Variants in FRMD4A observed in about 807,000 individuals in gnomAD.
The protein encoded by FRMD4A is FERM domain-containing protein 4A.
A neutral mutation model predicts 129.1 loss-of-function variants in FRMD4A; 29 were observed. That is an observed-to-expected ratio of 0.22 (90% CI 0.17 to 0.31). The LOEUF is 0.31. Ranked by LOEUF, FRMD4A falls within the 10% of genes least tolerant of loss-of-function variation. The probability of loss-of-function intolerance (pLI) is 1.00; values close to 1 mark genes in which losing one functional copy is unlikely to be tolerated. For synonymous variants in FRMD4A, 634 were observed against 571.6 expected (o/e 1.11, Z -1.56); for missense variants, 1,272 against 1,375.8 (o/e 0.92, Z 1.19).
chr10:13,747,708 C>T, intron 9 of FRMD4A, 28 bp downstream of exon 9: 1 of 1,259,758 alleles, frequency 7.9e-7, no homozygotes, highest in Non-Finnish European at 1.2e-6. Flanking sequence ...GAGGGACTCG[C>T]TCCTGGGGAA....
intron 2 of FRMD4A, among the ~76,000 whole-genome samples, chr10:14,284,370 T>C (rs1278790904): frequency 1.3e-5 from 2 of 152,176 alleles, no homozygotes; most frequent in East Asian, 3.9e-4. Context: ...TGCAGGAGGC[T>C]GGGCGCAGTG....
At chr10:13,752,345 A>G (rs960297421) in intron 8 of FRMD4A, among the ~76,000 whole-genome samples, 1 of 152,258 alleles carries the variant, frequency 6.6e-6, no homozygotes, top group African/African-American at 2.4e-5. Context: ...CACAGTGAAC[A>G]GCAGATTTAA....
rs115128645 is a variant in FRMD4A, at chr10:13,921,839, C to T, written c.46-62927G>A. On this transcript the variant is annotated intron_variant, in intron 2 of 24. Transcript: ENST00000357447. ...TGTTTCTTGTGGCAACATTTCCCTC[C>T]GTGTATGTTAAGAATTTAGAAATGT... Among the ~76,000 whole-genome samples, 1,030 of 152,232 alleles carry T rather than the reference C, an allele frequency of 6.8e-3. 15 individuals are homozygous for T. Among genetic ancestry groups the T allele is most frequent in the African/African-American group, 0.023 (947 of 41,542 alleles).
intron 2 of FRMD4A, among the ~76,000 whole-genome samples, chr10:14,209,035 T>C (rs1023001041): frequency 7.2e-5 from 11 of 152,118 alleles, no homozygotes; most frequent in African/African-American, 2.7e-4. Context: ...CCACCATCTG[T>C]GAATGGTTCC....
chr10:13,885,458 G>A (rs536261871), intron 2 of FRMD4A, among the ~76,000 whole-genome samples: 4 of 152,142 alleles, frequency 2.6e-5, no homozygotes, highest in South Asian at 2.1e-4. Flanking sequence ...TCCACATCAG[G>A]AGGCAGGGAC....
intron 6 of FRMD4A, among the ~76,000 whole-genome samples, chr10:13,781,316 AAAAAAAAAAAAAAGG>A (rs1270186009): frequency 2.0e-5 from 3 of 149,040 alleles, no homozygotes; most frequent in Non-Finnish European, 3.0e-5. Context: ...TAAAAAAAAA[AAAAAAAAAAAAAAGG>A]AAGGAAATTC....
intron 2 of FRMD4A, among the ~76,000 whole-genome samples, chr10:13,984,954 A>T (rs2131411899): frequency 6.6e-6 from 1 of 152,262 alleles, no homozygotes. Context: ...TTAGATACTG[A>T]TCTTTCCCAC....
intron 2 of FRMD4A, among the ~76,000 whole-genome samples, chr10:14,277,678 G>A (rs1845387420): frequency 6.6e-6 from 1 of 152,210 alleles, no homozygotes; most frequent in East Asian, 1.9e-4. Context: ...TGAACCTTGA[G>A]GCAACGCCTC....
intron 2 of FRMD4A, among the ~76,000 whole-genome samples, chr10:14,170,036 C>A (rs1841393774): frequency 6.6e-6 from 1 of 152,086 alleles, no homozygotes; most frequent in South Asian, 2.1e-4. Flanking sequence ...TCCATGGAAT[C>A]CTGGCAAAGT....
At chr10:14,217,775 G>C (rs1386773380) in intron 2 of FRMD4A, among the ~76,000 whole-genome samples, 2 of 151,848 alleles carry the variant, frequency 1.3e-5, no homozygotes, top group Non-Finnish European at 2.9e-5. Context: ...CGCAGGTGCT[G>C]TGTAGGCTGG....
intron 2 of FRMD4A, among the ~76,000 whole-genome samples, chr10:13,995,563 C>A (rs1309604176): frequency 1.3e-5 from 2 of 152,164 alleles, no homozygotes; most frequent in Non-Finnish European, 2.9e-5. Context: ...CCAGCCTGGG[C>A]AACAGAGCAA....
intron 2 of FRMD4A, among the ~76,000 whole-genome samples, chr10:14,254,097 G>C (rs976369905): frequency 3.3e-5 from 5 of 152,134 alleles, no homozygotes; most frequent in South Asian, 2.1e-4. Flanking sequence ...AAACTCTGGA[G>C]GTACAGGCCA....
At chr10:13,816,811 A>C (rs767315327) in intron 3 of FRMD4A, among the ~76,000 whole-genome samples, 1 of 152,212 alleles carries the variant, frequency 6.6e-6, no homozygotes, top group Non-Finnish European at 1.5e-5. Flanking sequence ...GGCAGCTAGT[A>C]GCCCAATCGC....
intron 2 of FRMD4A, chr10:14,326,283 G>A (rs1156861505): frequency 8.5e-5 from 13 of 152,204 alleles, no homozygotes; most frequent in Admixed American, 7.9e-4. Context: ...CTGGTTCAGA[G>A]GGGAGCTAAC....
chr10:14,225,755 T>A (rs1843413162), intron 2 of FRMD4A, among the ~76,000 whole-genome samples: 1 of 152,236 alleles, frequency 6.6e-6, no homozygotes, highest in Admixed American at 6.5e-5. Flanking sequence ...CTTCTGTAAG[T>A]GATAGAAGAA....
chr10:13,806,723 T>G (rs1334906876), intron 4 of FRMD4A, among the ~76,000 whole-genome samples: 1 of 152,208 alleles, frequency 6.6e-6, no homozygotes, highest in Non-Finnish European at 1.5e-5. Context: ...TGGGGGTAGG[T>G]CCCAGGCATT....
chr10:14,330,784 A>G lies in FRMD4A; in HGVS notation c.-269T>C, dbSNP rs940577906. On this transcript the variant is annotated 5_prime_UTR_variant, in exon 1 of 25. Transcript: ENST00000357447. Reference sequence around the variant, plus strand: ...GAACTGACCCTTCCACCTTCCCCAGATCTACTTTTCCTCTCCAAGTAGACT... The same window carrying G: ...GAACTGACCCTTCCACCTTCCCCAGGTCTACTTTTCCTCTCCAAGTAGACT... 5 of 398,604 alleles carry G rather than the reference A, an allele frequency of 1.3e-5. No homozygotes were observed. Among genetic ancestry groups the G allele is most frequent in the African/African-American group, 1.0e-4 (5 of 48,574 alleles). 24.7% of individuals were successfully genotyped at this position (398,604 alleles called of 1,614,324 possible).
At chr10:13,739,027 A>G (rs1371245768) in intron 11 of FRMD4A, among the ~76,000 whole-genome samples, 3 of 152,198 alleles carry the variant, frequency 2.0e-5, no homozygotes, top group Admixed American at 2.0e-4. Flanking sequence ...CTAGGATTTT[A>G]TAGTGAGCAT....
intron 12 of FRMD4A, among the ~76,000 whole-genome samples, chr10:13,736,312 G>A (rs2090627243): frequency 2.0e-5 from 3 of 152,060 alleles, no homozygotes; most frequent in Admixed American, 2.0e-4. Flanking sequence ...GGGAGGAAGA[G>A]GTATGGATCC....
Sources: allele counts gnomAD v4.1 joint callset (sites outside exome capture counted in the v4.1 genomes callset), GRCh38; gene constraint gnomAD v4.1.1; transcripts MANE v1.5; gene names NCBI Gene and HGNC (gene_info 2026-07-23, HGNC 2026-07-21).